The following PKP2 variants were observed in gnomAD, a reference collection of about 807,000 sequenced individuals.
The protein encoded by PKP2 is plakophilin 2.
PKP2 carries 73 observed loss-of-function variants against 83.4 expected under a neutral mutation model. The observed-to-expected ratio is 0.88, with a 90% CI of 0.72 to 1.06. The LOEUF (loss-of-function observed/expected upper bound fraction) is 1.06, where lower values mean the gene tolerates loss of function less well. Among genes scored for constraint, PKP2 ranks in the 50% least tolerant of loss-of-function variants. The pLI is 0.00. For missense variants in PKP2, 966 were observed against 1,065.4 expected (o/e 0.91, Z 1.30); for synonymous variants, 409 against 430.4 (o/e 0.95, Z 0.62).
At chr12:32,792,538 C>T (rs867983131) in intron 12 of PKP2, 46 bp from the exon 13 acceptor site, 1 of 1,578,230 alleles carries the variant, frequency 6.3e-7, no homozygotes, top group South Asian at 1.1e-5. Context: ...AAAACTGGCA[C>T]ACAAGAAAAT....
At chr12:32,806,736 G>C (rs11534764) in intron 9 of PKP2, among the ~76,000 whole-genome samples, 29,179 of 150,890 alleles carry the variant, frequency 0.19, 3,451 homozygotes, top group East Asian at 0.56. Flanking sequence ...CTCTGATCTT[G>C]GCTATTTCTT....
chr12:32,846,848 T>C (rs923982333), intron 5 of PKP2, among the ~76,000 whole-genome samples: 3 of 151,064 alleles, frequency 2.0e-5, no homozygotes, highest in Non-Finnish European at 4.4e-5. Context: ...TCAAAGACTA[T>C]ACAAATGAGT....
intron 6 of PKP2, among the ~76,000 whole-genome samples, chr12:32,825,394 A>G (rs1483728614): frequency 2.0e-5 from 3 of 151,948 alleles, no homozygotes; most frequent in Non-Finnish European, 4.4e-5. Context: ...GATGGTCTCT[A>G]TCTCTTGACC....
intron 3 of PKP2, among the ~76,000 whole-genome samples, chr12:32,873,887 T>A (rs967845914): frequency 6.6e-6 from 1 of 152,220 alleles, no homozygotes; most frequent in African/African-American, 2.4e-5. Flanking sequence ...TACTACTCAT[T>A]TGCAGAACCA....
chr12:32,803,657 G>C (rs572384082), intron 9 of PKP2, among the ~76,000 whole-genome samples: 4 of 152,154 alleles, frequency 2.6e-5, no homozygotes, highest in African/African-American at 7.2e-5. Flanking sequence ...CTTGAGACCA[G>C]AAGTGTTTTG....
chr12:32,840,605 T>A (rs922943871), intron 6 of PKP2, among the ~76,000 whole-genome samples: 1 of 152,168 alleles, frequency 6.6e-6, no homozygotes, highest in Admixed American at 6.5e-5. Flanking sequence ...AGCCAAGGGT[T>A]TTCTTATTCA....
chr12:32,821,920 G>C (rs1204904297), intron 8 of PKP2: 1 of 249,540 alleles, frequency 4.0e-6, no homozygotes, highest in Non-Finnish European at 7.8e-6. Context: ...ATAGCACCAG[G>C]GTTCTAAATT....
At chr12:32,821,647 C>T in intron 8 of PKP2, 118 bp from the exon 9 acceptor site, 1 of 939,966 alleles carries the variant, frequency 1.1e-6, no homozygotes, top group Non-Finnish European at 1.6e-6. Flanking sequence ...GCATAAGAAG[C>T]CCTTGAAATA....
chr12:32,795,444 G>T (rs910542335), intron 11 of PKP2, among the ~76,000 whole-genome samples: 2 of 151,204 alleles, frequency 1.3e-5, no homozygotes, highest in African/African-American at 4.9e-5. Context: ...GCAGTGGCAC[G>T]ATCACGGCTC....
chr12:32,821,282 C>G (rs773390734), intron 9 of PKP2, 74 bp downstream of exon 9: 1 of 1,307,468 alleles, frequency 7.6e-7, no homozygotes, highest in Non-Finnish European at 1.1e-6. Flanking sequence ...CTCACTGTTT[C>G]ATCTCTGAAT....
intron 1 of PKP2, among the ~76,000 whole-genome samples, chr12:32,879,782 GATTGCGCC>G (rs1956968806): frequency 6.8e-6 from 1 of 147,188 alleles, no homozygotes; most frequent in Admixed American, 6.9e-5. Flanking sequence ...GTGAAGCTGA[GATTGCGCC>G]ATTGCACTAC....
At chr12:32,852,047 A>T (rs1263470482) in intron 4 of PKP2, among the ~76,000 whole-genome samples, 1 of 152,206 alleles carries the variant, frequency 6.6e-6, no homozygotes, top group Non-Finnish European at 1.5e-5. Flanking sequence ...AATCAGACAC[A>T]GCGTTGGTGA....
At chr12:32,850,682 A>G in intron 5 of PKP2, 84 bp downstream of exon 5, 1 of 1,038,658 alleles carries the variant, frequency 9.6e-7, no homozygotes, top group South Asian at 1.3e-5. Context: ...CATTTGCTCC[A>G]GGAAACTTAA....
chr12:32,868,919 A>ACACT lies in PKP2; in HGVS notation c.1170+4_1170+7dup. On this transcript the variant is annotated splice_region_variant and intron_variant, in intron 4 of 12. Coordinates refer to ENST00000340811, the MANE Select transcript of PKP2 (RefSeq NM_001005242.3). ...TGCGCTTTGCAATGGACTGAAGATG[A>ACACT]CACTCACCCTCTTCCGAGCTTCAGA... 6.2e-7 allele frequency: 1 copy of ACACT among 1,611,956 alleles called. No individual in the cohort carries two copies. Among genetic ancestry groups the ACACT allele is most frequent in the Non-Finnish European group, 8.5e-7 (1 of 1,179,338 alleles).
chr12:32,822,625 C>T lies in PKP2; in HGVS notation c.1681G>A (p.Glu561Lys). The part of the protein sequence containing the change: ...ADYQPDDKAT[E>K]NCVCILHNLS... Reference sequence around the variant, plus strand: ...TTATGAAGAATGCACACACAATTCTCCGTGGCCTGAGAAAACAGGACAAGA... The same window carrying T: ...TTATGAAGAATGCACACACAATTCTTCGTGGCCTGAGAAAACAGGACAAGA... Residue 561 changes from glutamate to lysine, a missense_variant, in exon 8 of 13, where the codon GAG becomes AAG. Glu to Lys is a moderately conservative substitution (Grantham distance 56). Coordinates refer to ENST00000340811, the MANE Select transcript of PKP2 (RefSeq NM_001005242.3). 4 of 1,614,066 alleles carry T rather than the reference C, an allele frequency of 2.5e-6. No individual in the cohort carries two copies. Among genetic ancestry groups the T allele is most frequent in the Non-Finnish European group, 3.4e-6 (4 of 1,179,958 alleles).
At chr12:32,794,568 GA>G (rs1389705288) in intron 11 of PKP2, among the ~76,000 whole-genome samples, 1 of 152,200 alleles carries the variant, frequency 6.6e-6, no homozygotes, top group Admixed American at 6.5e-5. Flanking sequence ...TAAGCTACCA[GA>G]AGTTTCCAAA....
chr12:32,880,041 T>G (rs538606040), intron 1 of PKP2, among the ~76,000 whole-genome samples: 25 of 151,374 alleles, frequency 1.7e-4, no homozygotes, highest in Non-Finnish European at 3.2e-4. Context: ...GGAAGCTTCT[T>G]GTAATAAGCA....
intron 4 of PKP2, among the ~76,000 whole-genome samples, chr12:32,858,662 GT>G (rs1265069628): frequency 6.6e-6 from 1 of 151,932 alleles, no homozygotes; most frequent in African/African-American, 2.4e-5. Context: ...AAAAAACAAA[GT>G]TAAAAACAAC....
chr12:32,803,947 TAAGC>T (rs1288406441), intron 9 of PKP2, among the ~76,000 whole-genome samples: 1 of 152,112 alleles, frequency 6.6e-6, no homozygotes, highest in Non-Finnish European at 1.5e-5. Context: ...GTACTACTGA[TAAGC>T]AATCATTTTC....
Sources: gnomAD v4.1 joint callset for allele counts (sites outside exome capture counted in the v4.1 genomes callset) on GRCh38, gnomAD v4.1.1 for gene constraint, MANE v1.5 for transcripts, NCBI Gene and HGNC (gene_info 2026-07-23, HGNC 2026-07-21) for gene names.